PCM1: variants seen among roughly 807,000 people sequenced by gnomAD.
The protein encoded by PCM1 is pericentriolar material 1 protein.
Under a neutral mutation model 241.9 loss-of-function variants are expected in PCM1, and 157 were observed. The observed-to-expected ratio is 0.65, with a 90% CI of 0.57 to 0.74. The LOEUF is 0.74. Ranked by LOEUF, PCM1 falls within the 30% of genes least tolerant of loss-of-function variation. The pLI is 0.00. For missense variants in PCM1, 3,478 were observed against 2,360.1 expected, an observed-to-expected ratio of 1.47 and a Z score of -9.81; for synonymous variants, 1,085 against 784.9, an observed-to-expected ratio of 1.38 and a Z score of -6.39.
chr8:18,001,921 C>T (rs1187563093), intron 29 of PCM1, among the ~76,000 whole-genome samples: 6 of 146,658 alleles, frequency 4.1e-5, no homozygotes, highest in Admixed American at 2.1e-4. Context: ...AACAGAAACA[C>T]GTAGCCTTGT....
At position 17,966,010 on chromosome 8, in the gene PCM1, A is replaced by T; in HGVS notation, c.2867A>T (p.Asn956Ile). Residue 956 changes from asparagine to isoleucine, a missense_variant, in exon 19 of 39, where the codon AAT becomes ATT. By Grantham distance (149) the Asn-to-Ile change is moderately radical. Transcript: ENST00000325083. Reference protein sequence around the residue: ...GKETKNRWKNNCPFSADENYR... With the variant: ...GKETKNRWKNICPFSADENYR... The stretch of plus-strand genomic sequence containing the variant: ...CAATCTTGTGTTAGGTGGAAGAACA[A>T]TTGCCCTTTTTCGGCAGATGAAAAT... 6.2e-7 allele frequency: 1 copy of T among 1,610,008 alleles called. No individual in the cohort carries two copies. The highest frequency in any genetic ancestry group is 1.1e-5 in the South Asian group (1 of 90,414).
intron 22 of PCM1, among the ~76,000 whole-genome samples, chr8:17,970,241 T>C (rs1193651031): frequency 6.6e-6 from 1 of 152,100 alleles, no homozygotes; most frequent in African/African-American, 2.4e-5. Flanking sequence ...TGAAACAGAG[T>C]TTTTGACTCA....
chr8:17,959,991 T>G, intron 13 of PCM1, 23 bp from the exon 14 acceptor site: 1 of 1,608,210 alleles, frequency 6.2e-7, no homozygotes, highest in South Asian at 1.1e-5. Context: ...CAAGATTGTT[T>G]TAATGTAATG....
chr8:17,968,050 G>A (rs208052), intron 21 of PCM1, among the ~76,000 whole-genome samples: 2 of 149,030 alleles, frequency 1.3e-5, no homozygotes, highest in East Asian at 2.0e-4. Context: ...AATCAGTTCC[G>A]CCGCCAAAAA....
rs757330775 is a variant in PCM1, at chr8:18,014,557, A to G, written c.5585-27A>G. On this transcript the variant is annotated intron_variant, in intron 35 of 38. Coordinates refer to ENST00000325083, the MANE Select transcript of PCM1 (RefSeq NM_006197.4). ...AATTTAACATTTTTTGCATTACACT[A>G]ATGTTAAGACTTTCTTTTGATGACA... 1.4e-5 allele frequency: 22 copies of G among 1,563,032 alleles called. No homozygotes were observed. The East Asian group carries it at 4.5e-4, about 32-fold the overall frequency.
Position 17,974,857 on chromosome 8 carries a change from GCACA to G in PCM1, c.3943+2203_3943+2206del, listed in dbSNP as rs60355433. On this transcript the variant is annotated intron_variant, in intron 23 of 38. Transcript: ENST00000325083. Reference sequence around the variant, plus strand: ...CTGTCAGTGAGTGCCCCACTTTAAGGCACACACACACACACACACACACACACAC... The same window carrying G: ...CTGTCAGTGAGTGCCCCACTTTAAGGCACACACACACACACACACACACAC... 5.8e-3 allele frequency among the ~76,000 whole-genome samples: 778 copies of G among 133,306 alleles called. 5 individuals are homozygous for G. The highest frequency in any genetic ancestry group is 0.013 in the African/African-American group (480 of 37,400). The allele number at this position is 133,306 out of a possible 152,430, so 87.5% of individuals were successfully genotyped here.
intron 2 of PCM1, chr8:17,926,543 G>A (rs1020833267): frequency 3.3e-5 from 5 of 152,170 alleles, no homozygotes; most frequent in African/African-American, 1.2e-4. Context: ...GTGATCACAG[G>A]CAATGCCATT....
intron 11 of PCM1, 60 bp from the exon 12 acceptor site, chr8:17,957,204 G>C (rs756643803): frequency 1.8e-5 from 25 of 1,379,846 alleles, no homozygotes; most frequent in Non-Finnish European, 2.3e-5. Context: ...TTCTAAACTT[G>C]GATTTCTTTC....
At chr8:17,944,718 C>T (rs185151805) in intron 6 of PCM1, among the ~76,000 whole-genome samples, 69 of 152,190 alleles carry the variant, frequency 4.5e-4, no homozygotes, top group African/African-American at 1.6e-3. Flanking sequence ...TTTCTCCCTT[C>T]TGTATATTTC....
In PCM1 at chr8:18,006,307, A is replaced by C. The variant is rs770534701; in HGVS notation, c.4872A>C (p.Val1624=). 4 of 1,611,850 alleles carry C rather than the reference A, an allele frequency of 2.5e-6. No homozygotes were observed. In the East Asian group the frequency reaches 8.9e-5, roughly 36 times the overall value. The change falls in exon 30 of 39, where the codon GTA becomes GTC. Residue 1624 remains valine (V), a synonymous_variant. Coordinates refer to ENST00000325083, the MANE Select transcript of PCM1 (RefSeq NM_006197.4). ...GCTCCTCGCAGCTTCTAACTTCAGT[A>C]AGGCGCATGGTTTTGACCCTTACCC... The part of the protein sequence containing the change: ...EVCSSQLLTS[V]RRMVLTLTQQ...
rs367997942 is a variant in PCM1, at chr8:17,969,606, A to T, written c.3442A>T (p.Asn1148Tyr). The change falls in exon 22 of 39, where the codon AAT (asparagine) becomes TAT (tyrosine). Residue 1148 changes from asparagine (N) to tyrosine (Y), a missense_variant. Transcript: ENST00000325083. ...GMNFSPLFPS[N>Y]FGDFSQNIST... is the part of the protein sequence containing the mutation. ...GAATTTCAGCCCTTTATTTCCTTCT[A>T]ATTTTGGAGATTTTTCTCAGAATAT... 1.2e-5 allele frequency: 20 copies of T among 1,609,442 alleles called. No individual in the cohort carries two copies. The African/African-American group carries it at 2.3e-4, about 18-fold the overall frequency.
rs2094373259 is a variant in PCM1 at position 18,028,632 on chromosome 8, T to C, written c.*970T>C. 1 of 201,982 alleles carries C rather than the reference T, an allele frequency of 5.0e-6. No homozygotes were observed. Among genetic ancestry groups the C allele is most frequent in the African/African-American group, 2.4e-5 (1 of 41,620 alleles). 12.5% of individuals were successfully genotyped at this position (201,982 alleles called of 1,614,324 possible). On this transcript the variant is annotated 3_prime_UTR_variant, in exon 39 of 39. Transcript: ENST00000325083. ...TTGCAGGTGAAGTATTGAAAGTTTA[T>C]GTGACTTTAAGTCAGCTTTTGAAAA...
In PCM1 at chr8:18,027,682, C is replaced by T; in HGVS notation, c.*20C>T. 1.3e-6 allele frequency: 2 copies of T among 1,562,794 alleles called. No homozygotes were observed. Among genetic ancestry groups the T allele is most frequent in the Non-Finnish European group, 1.8e-6 (2 of 1,139,940 alleles). ...ATATGAGATGTCTTCAGAGGCTCAT[C>T]TAACTCTGTCCTTACATACTCAATG... On this transcript the variant is annotated 3_prime_UTR_variant, in exon 39 of 39. Coordinates refer to ENST00000325083, the MANE Select transcript of PCM1 (RefSeq NM_006197.4).
chr8:17,961,923 C>A, intron 15 of PCM1, 111 bp from the exon 16 acceptor site: 1 of 781,188 alleles, frequency 1.3e-6, no homozygotes, highest in Non-Finnish European at 1.9e-6. Flanking sequence ...GGTCTGATAG[C>A]AGATTAAATA....
At chr8:17,978,166 T>C (rs545267329) in intron 23 of PCM1, among the ~76,000 whole-genome samples, 1 of 152,242 alleles carries the variant, frequency 6.6e-6, no homozygotes, top group East Asian at 1.9e-4. Context: ...GCTATTAAGT[T>C]CCAAATTACA....
intron 7 of PCM1, among the ~76,000 whole-genome samples, chr8:17,950,377 G>T (rs192802005): frequency 1.3e-5 from 2 of 152,280 alleles, no homozygotes; most frequent in East Asian, 3.9e-4. Flanking sequence ...CTCCTTGTAT[G>T]TTGGGACAGG....
intron 29 of PCM1, among the ~76,000 whole-genome samples, chr8:17,993,956 T>C (rs2129479952): frequency 6.6e-6 from 1 of 152,310 alleles, no homozygotes; most frequent in East Asian, 1.9e-4. Flanking sequence ...TGAAATAGTT[T>C]GATACAGGCA....
intron 29 of PCM1, among the ~76,000 whole-genome samples, chr8:18,004,465 C>G: frequency 6.6e-6 from 1 of 152,112 alleles, no homozygotes; most frequent in South Asian, 2.1e-4. Context: ...TAAATTGTTC[C>G]TTCTCACTTT....
chr8:17,956,906 C>T (rs965922576), intron 11 of PCM1, 129 bp downstream of exon 11: 1 of 733,858 alleles, frequency 1.4e-6, no homozygotes, highest in Admixed American at 2.6e-5. Flanking sequence ...CTATTTTGGT[C>T]AGTGTAATCA....
Sources: gnomAD v4.1 joint callset for allele counts (sites outside exome capture counted in the v4.1 genomes callset) on GRCh38, gnomAD v4.1.1 for gene constraint, MANE v1.5 for transcripts, NCBI Gene and HGNC (gene_info 2026-07-23, HGNC 2026-07-21) for gene names.